Variants in CAMK1D observed in about 807,000 individuals in gnomAD.
CAMK1D encodes calcium/calmodulin-dependent protein kinase type 1D.
CAMK1D carries 9 observed loss-of-function variants against 47.7 expected under a neutral mutation model. The ratio of observed to expected loss-of-function variants is 0.19; its 90% confidence interval spans 0.11 to 0.33. The LOEUF (loss-of-function observed/expected upper bound fraction) is 0.33, where lower values mean the gene tolerates loss of function less well. Among genes scored for constraint, CAMK1D ranks in the 10% least tolerant of loss-of-function variants. The probability of loss-of-function intolerance (pLI) is 1.00; values close to 1 mark genes in which losing one functional copy is unlikely to be tolerated. For synonymous variants in CAMK1D, 184 were observed against 184.9 expected (o/e 0.99, Z 0.04); for missense variants, 291 against 488.7 (o/e 0.60, Z 3.81).
At chr10:12,351,626 C>T (rs965745522) in intron 1 of CAMK1D, among the ~76,000 whole-genome samples, 4 of 152,216 alleles carry the variant, frequency 2.6e-5, no homozygotes, top group African/African-American at 9.6e-5. Context: ...CTGACTGACT[C>T]GTGCAGCTGC....
At chr10:12,598,329 G>A (rs1176989692) in intron 2 of CAMK1D, among the ~76,000 whole-genome samples, 1 of 152,216 alleles carries the variant, frequency 6.6e-6, no homozygotes, top group Non-Finnish European at 1.5e-5. Context: ...GCCTGGGATT[G>A]TTTCATTTCC....
intron 3 of CAMK1D, among the ~76,000 whole-genome samples, chr10:12,695,783 A>G (rs1833269091): frequency 6.6e-6 from 1 of 152,214 alleles, no homozygotes; most frequent in Admixed American, 6.5e-5. Context: ...TCAGTTAAAA[A>G]ATAAAGGAAT....
chr10:12,807,316 T>A (rs1838776283), intron 6 of CAMK1D, among the ~76,000 whole-genome samples: 1 of 152,232 alleles, frequency 6.6e-6, no homozygotes, highest in African/African-American at 2.4e-5. Flanking sequence ...TCGTGTGGAA[T>A]GAACTGGAAG....
intron 3 of CAMK1D, among the ~76,000 whole-genome samples, chr10:12,739,168 C>T (rs1369743434): frequency 2.6e-5 from 4 of 152,184 alleles, no homozygotes; most frequent in Middle Eastern, 3.4e-3. Context: ...GCCCAGAAGG[C>T]GGAGATTGCA....
chr10:12,774,880 A>T (rs563405505), intron 5 of CAMK1D, among the ~76,000 whole-genome samples: 1 of 152,392 alleles, frequency 6.6e-6, no homozygotes, highest in African/African-American at 2.4e-5. Flanking sequence ...ACCATCCCCA[A>T]TACCGTATCC....
intron 1 of CAMK1D, among the ~76,000 whole-genome samples, chr10:12,369,445 C>T (rs1837943896): frequency 6.6e-6 from 1 of 152,118 alleles, no homozygotes; most frequent in African/African-American, 2.4e-5. Flanking sequence ...TTCAGTGTGA[C>T]TGTGTATCGG....
intron 2 of CAMK1D, among the ~76,000 whole-genome samples, chr10:12,629,310 C>T (rs920831929): frequency 6.6e-6 from 1 of 152,194 alleles, no homozygotes; most frequent in Admixed American, 6.5e-5. Flanking sequence ...TTAGCCTTAC[C>T]TTTTGGTTTC....
chr10:12,630,499 C>G (rs1839348738), intron 2 of CAMK1D, among the ~76,000 whole-genome samples: 2 of 151,986 alleles, frequency 1.3e-5, no homozygotes, highest in Admixed American at 1.3e-4. Flanking sequence ...GCTTCTGCCT[C>G]CTGAGTAGCT....
intron 1 of CAMK1D, among the ~76,000 whole-genome samples, chr10:12,351,984 G>A (rs1417830444): frequency 6.6e-6 from 1 of 152,104 alleles, no homozygotes; most frequent in Non-Finnish European, 1.5e-5. Flanking sequence ...AATCATAGGT[G>A]GTATTCTGAA....
intron 6 of CAMK1D, among the ~76,000 whole-genome samples, chr10:12,801,888 A>G (rs893384370): frequency 1.3e-5 from 2 of 152,148 alleles, no homozygotes; most frequent in Admixed American, 1.3e-4. Flanking sequence ...TCATTTCCCC[A>G]GTGTCACTCA....
chr10:12,667,925 C>G (rs1468717672), intron 3 of CAMK1D, among the ~76,000 whole-genome samples: 1 of 152,176 alleles, frequency 6.6e-6, no homozygotes, highest in East Asian at 1.9e-4. Context: ...TATTTTAAAG[C>G]TGTCTATGCC....
chr10:12,804,702 G>A (rs1838639538), intron 6 of CAMK1D, among the ~76,000 whole-genome samples: 2 of 151,560 alleles, frequency 1.3e-5, no homozygotes, highest in Non-Finnish European at 2.9e-5. Context: ...GGGAGGCCAA[G>A]GTGGGAGGAT....
At chr10:12,783,610 CACAA>C (rs1470583312) in intron 5 of CAMK1D, among the ~76,000 whole-genome samples, 2 of 152,246 alleles carry the variant, frequency 1.3e-5, no homozygotes, top group African/African-American at 4.8e-5. Context: ...GCCCCACACC[CACAA>C]GACAGCTGCT....
In CAMK1D at chr10:12,430,735, G is replaced by GTGA. The variant is rs757039237; in HGVS notation, c.92+80851_92+80853dup. 3.3e-3 allele frequency among the ~76,000 whole-genome samples: 499 copies of GTGA among 151,666 alleles called. 4 individuals carry two copies. Among genetic ancestry groups the GTGA allele is most frequent in the African/African-American group, 8.6e-3 (355 of 41,210 alleles). On this transcript the variant is annotated intron_variant, in intron 1 of 10. Coordinates refer to ENST00000619168, the MANE Select transcript of CAMK1D (RefSeq NM_153498.4). ...AGGCTTGGAGCTTTGGTGCATACAT[G>GTGA]TGATGATGATGATGATGATGATGAT... is the stretch of plus-strand genomic sequence containing the variant.
intron 5 of CAMK1D, among the ~76,000 whole-genome samples, chr10:12,774,943 G>C (rs1342565849): frequency 6.6e-6 from 1 of 152,286 alleles, no homozygotes; most frequent in East Asian, 1.9e-4. Context: ...ATTGGGGATC[G>C]CTGCTCTAGG....
chr10:12,443,996 C>G lies in CAMK1D; in HGVS notation c.92+94086C>G, dbSNP rs183324426. Among the ~76,000 whole-genome samples, 104 of 152,290 alleles carry G rather than the reference C, an allele frequency of 6.8e-4. 1 individual carries two copies. In the South Asian group the frequency reaches 9.1e-3, roughly 13 times the overall value. On this transcript the variant is annotated intron_variant, in intron 1 of 10. Transcript: ENST00000619168. ...ACAAGGGACAGATTATTCATGCCCC[C>G]CCTTTTTAGACCATATAGGGTAACT...
At chr10:12,666,392 C>T (rs374337210) in intron 2 of CAMK1D, among the ~76,000 whole-genome samples, 89 of 152,264 alleles carry the variant, frequency 5.8e-4, no homozygotes, top group African/African-American at 2.1e-3. Flanking sequence ...TGGGAGACAA[C>T]AGAAGAGGGA....
chr10:12,363,497 TGCCCTCTTCG>T lies in CAMK1D; in HGVS notation c.92+13591_92+13600del, dbSNP rs1178923716. ...CTCAAACTCCTGACCTCTGGTGATC[TGCCCTCTTCG>T]GCCTCCTCTCTCATGTACTTTAAAT... is the stretch of plus-strand genomic sequence containing the variant. On this transcript the variant is annotated intron_variant, in intron 1 of 10. Coordinates refer to ENST00000619168, the MANE Select transcript of CAMK1D (RefSeq NM_153498.4). Among the ~76,000 whole-genome samples the T allele has an allele frequency of 2.6e-5, 4 of 152,220 alleles. No individual in the cohort carries two copies. In the East Asian group the frequency reaches 7.7e-4, roughly 29 times the overall value.
intron 1 of CAMK1D, among the ~76,000 whole-genome samples, chr10:12,502,729 G>A (rs1834743684): frequency 1.3e-5 from 2 of 152,248 alleles, no homozygotes; most frequent in Non-Finnish European, 2.9e-5. Context: ...AGGGCTGGCA[G>A]TGGGGGCGTG....
Sources: gnomAD v4.1 joint callset for allele counts (sites outside exome capture counted in the v4.1 genomes callset) on GRCh38, gnomAD v4.1.1 for gene constraint, MANE v1.5 for transcripts, NCBI Gene and HGNC (gene_info 2026-07-23, HGNC 2026-07-21) for gene names.